The following RCN2 variants were observed in gnomAD, a reference collection of about 807,000 sequenced individuals.
RCN2 encodes the protein reticulocalbin 2.
In RCN2, 23 loss-of-function variants were observed where a neutral mutation model predicts 37.5. The observed-to-expected ratio is 0.61, with a 90% CI of 0.44 to 0.87. The LOEUF is 0.87. RCN2 is among the 40% of genes least tolerant of loss of function. The pLI, the probability that RCN2 is intolerant of heterozygous loss-of-function variation, is 0.00. For synonymous variants in RCN2, 140 were observed against 144.6 expected, an observed-to-expected ratio of 0.97 and a Z score of 0.23; for missense variants, 381 against 390.4, an observed-to-expected ratio of 0.98 and a Z score of 0.20.
intron 4 of RCN2, among the ~76,000 whole-genome samples, chr15:76,947,047 G>GGT (rs1350209948): frequency 3.3e-5 from 5 of 152,228 alleles, no homozygotes; most frequent in Admixed American, 2.6e-4. Flanking sequence ...TAAAGACAAA[G>GGT]GTAGTATAAG....
intron 2 of RCN2, among the ~76,000 whole-genome samples, chr15:76,934,384 C>T (rs113525908): frequency 5.3e-5 from 8 of 152,198 alleles, no homozygotes; most frequent in South Asian, 2.1e-4. Flanking sequence ...TTAGGTGATC[C>T]GCCTGCCTCA....
intron 3 of RCN2, among the ~76,000 whole-genome samples, chr15:76,936,636 C>A (rs149305060): frequency 1.6e-3 from 238 of 152,206 alleles, no homozygotes; most frequent in Non-Finnish European, 2.8e-3. Context: ...AATACCCGTC[C>A]GCGACCTAGG....
intron 3 of RCN2, among the ~76,000 whole-genome samples, chr15:76,935,978 G>C (rs1385498351): frequency 6.6e-6 from 1 of 151,984 alleles, no homozygotes; most frequent in Non-Finnish European, 1.5e-5. Flanking sequence ...TTCCAGAGTT[G>C]CTTTTTAAAT....
intron 3 of RCN2, chr15:76,941,368 G>T: frequency 3.6e-6 from 1 of 275,380 alleles, no homozygotes; most frequent in Non-Finnish European, 6.7e-6. Flanking sequence ...CCTTGCATGT[G>T]GCTAATCAGA....
chr15:76,939,070 CA>C (rs1337529296), intron 3 of RCN2, among the ~76,000 whole-genome samples: 3 of 151,994 alleles, frequency 2.0e-5, no homozygotes, highest in African/African-American at 7.3e-5. Context: ...AATGCCCAAA[CA>C]AAATTTAAAA....
intron 5 of RCN2, 179 bp downstream of exon 5, chr15:76,947,696 C>G: frequency 2.0e-6 from 1 of 505,308 alleles, no homozygotes; most frequent in Non-Finnish European, 3.4e-6. Context: ...TATCTGAGAA[C>G]GCTGTCTTGC....
chr15:76,935,691 T>C lies in RCN2; in HGVS notation c.416T>C (p.Leu139Pro), dbSNP rs757748341. ...RVIDFDENTA[L>P]DDAEEESFRK... ...ATTGACTTTGATGAGAACACTGCTC[T>C]GGATGATGCAGAAGAGGAGTCCTTT... The change falls in exon 3 of 7, where the codon CTG becomes CCG. Residue 139 changes from leucine to proline, a missense_variant. Transcript: ENST00000394885. The C allele has an allele frequency of 1.9e-6, 3 of 1,613,874 alleles. No individual in the cohort carries two copies. Among genetic ancestry groups the C allele is most frequent in the Admixed American group, 1.7e-5 (1 of 59,964 alleles).
At chr15:76,932,565 A>C (rs1186401385) in intron 2 of RCN2, 99 bp downstream of exon 2, 7 of 796,514 alleles carry the variant, frequency 8.8e-6, no homozygotes, top group Admixed American at 6.1e-5. Flanking sequence ...CCAAGTTGGA[A>C]GTCCTGTGAG....
chr15:76,948,593 C>G, intron 6 of RCN2, 41 bp downstream of exon 6: 1 of 1,471,920 alleles, frequency 6.8e-7, no homozygotes, highest in Non-Finnish European at 9.1e-7. Flanking sequence ...ACCCCCTCCC[C>G]CCGAATTTGG....
chr15:76,949,392 C>A lies in RCN2; in HGVS notation c.*170C>A. ...TCTTTTAGGAAAAAAAAACAAAAAT[C>A]TGATATTTATTTCAAAATGTATTGA... On this transcript the variant is annotated 3_prime_UTR_variant, in exon 7 of 7. Coordinates refer to ENST00000394885, the MANE Select transcript of RCN2 (RefSeq NM_002902.3). 2.2e-6 allele frequency: 1 copy of A among 462,856 alleles called. No individual in the cohort carries two copies. The highest frequency in any genetic ancestry group is 3.7e-6 in the Non-Finnish European group (1 of 272,818). 28.7% of individuals were successfully genotyped at this position (462,856 alleles called of 1,614,324 possible).
At chr15:76,943,180 T>C (rs138955104) in intron 3 of RCN2, 2 of 152,372 alleles carry the variant, frequency 1.3e-5, no homozygotes, top group African/African-American at 2.4e-5. Flanking sequence ...AGTATAGTAC[T>C]GTAGAAAGAA....
Position 76,931,991 on chromosome 15 carries a change from G to A in RCN2, c.144+6G>A. Reference sequence around the variant, plus strand: ...AGGCGCTGCTGGGCGTCCAGGTGAGGCGGCCAGGCCGGTGCTGGGAGGGCC... The same window carrying A: ...AGGCGCTGCTGGGCGTCCAGGTGAGACGGCCAGGCCGGTGCTGGGAGGGCC... On this transcript the variant is annotated splice_donor_region_variant and intron_variant, in intron 1 of 6. Coordinates refer to ENST00000394885, the MANE Select transcript of RCN2 (RefSeq NM_002902.3). 7.9e-7 allele frequency: 1 copy of A among 1,261,376 alleles called. No individual in the cohort carries two copies. Among genetic ancestry groups the A allele is most frequent in the Non-Finnish European group, 9.9e-7 (1 of 1,007,952 alleles). 78.1% of individuals were successfully genotyped at this position (1,261,376 alleles called of 1,614,324 possible).
At chr15:76,933,167 T>G (rs917058745) in intron 2 of RCN2, among the ~76,000 whole-genome samples, 12 of 152,242 alleles carry the variant, frequency 7.9e-5, no homozygotes, top group African/African-American at 2.7e-4. Context: ...TAAATTGCTG[T>G]GCAGTTGTCT....
chr15:76,937,764 G>T (rs534002972), intron 3 of RCN2, among the ~76,000 whole-genome samples: 1 of 152,220 alleles, frequency 6.6e-6, no homozygotes, highest in African/African-American at 2.4e-5. Context: ...TGTGTCTCAT[G>T]GTTTAATTTG....
intron 3 of RCN2, among the ~76,000 whole-genome samples, chr15:76,936,073 C>T (rs914860775): frequency 3.9e-5 from 6 of 151,928 alleles, no homozygotes; most frequent in African/African-American, 1.5e-4. Flanking sequence ...GGCCCATTCC[C>T]ATTTTTAAAC....
In RCN2 at chr15:76,948,480, C is replaced by G; in HGVS notation, c.729C>G (p.Asn243Lys). The G allele has an allele frequency of 1.2e-6, 2 of 1,609,320 alleles. No individual in the cohort carries two copies. The highest frequency in any genetic ancestry group is 1.7e-6 in the Non-Finnish European group (2 of 1,177,200). Residue 243 changes from asparagine (N) to lysine (K), a missense_variant, in exon 6 of 7, where the codon AAC becomes AAG. By Grantham distance (94) the Asn-to-Lys change is moderately conservative. Transcript: ENST00000394885. ...DRFVNDYDKD[N>K]DGRLDPQELL... The stretch of plus-strand genomic sequence containing the variant: ...TCGTGAATGATTATGACAAAGATAA[C>G]GATGGCAGGCTTGATCCCCAAGAGC...
intron 3 of RCN2, among the ~76,000 whole-genome samples, chr15:76,936,329 C>T (rs1276310191): frequency 6.6e-6 from 1 of 152,086 alleles, no homozygotes; most frequent in African/African-American, 2.4e-5. Context: ...AGGTCCCCAA[C>T]CTTTTTGGCA....
In RCN2 at chr15:76,932,539, A is replaced by G; in HGVS notation, c.250+73A>G. On this transcript the variant is annotated intron_variant, in intron 2 of 6. Coordinates refer to ENST00000394885, the MANE Select transcript of RCN2 (RefSeq NM_002902.3). Reference sequence around the variant, plus strand: ...TTAAGCAGCGGTGTCTGCTGAATGTATAGATTGCTAGTGTCCCAAGTTGGA... The same window carrying G: ...TTAAGCAGCGGTGTCTGCTGAATGTGTAGATTGCTAGTGTCCCAAGTTGGA... 5 of 1,024,186 alleles carry G rather than the reference A, an allele frequency of 4.9e-6. No individual in the cohort carries two copies. In the Admixed American group the frequency reaches 7.7e-5, roughly 16 times the overall value. The allele number at this position is 1,024,186 out of a possible 1,614,324, so 63.4% of individuals were successfully genotyped here.
rs549366574 is a variant in RCN2, at chr15:76,934,195, G to A, written c.251-1331G>A. On this transcript the variant is annotated intron_variant, in intron 2 of 6. Coordinates refer to ENST00000394885, the MANE Select transcript of RCN2 (RefSeq NM_002902.3). ...TCTCGCTCTTGTCACCCATGTTGGC[G>A]TGCAGTAGTGTGATCTTGGCTCACT... Among the ~76,000 whole-genome samples, 251 of 151,232 alleles carry A rather than the reference G, an allele frequency of 1.7e-3. 9 individuals are homozygous for A. In the South Asian group the frequency reaches 0.033, roughly 20 times the overall value.
Sources: gnomAD v4.1 joint callset for allele counts (sites outside exome capture counted in the v4.1 genomes callset) on GRCh38, gnomAD v4.1.1 for gene constraint, MANE v1.5 for transcripts, NCBI Gene and HGNC (gene_info 2026-07-23, HGNC 2026-07-21) for gene names.